MARF1: variants seen among roughly 807,000 people sequenced by gnomAD.
MARF1 encodes the protein meiosis regulator and mRNA stability factor 1, also known as limkain-b1.
Under a neutral mutation model 168.2 loss-of-function variants are expected in MARF1, and 24 were observed. That is an observed-to-expected ratio of 0.14 (90% CI 0.10 to 0.20). The LOEUF is 0.20. Among genes scored for constraint, MARF1 ranks in the 10% least tolerant of loss-of-function variants. The probability of loss-of-function intolerance (pLI) is 1.00; values close to 1 mark genes in which losing one functional copy is unlikely to be tolerated. For missense variants in MARF1, 1,744 were observed against 2,143.6 expected (o/e 0.81, Z 3.68); for synonymous variants, 868 against 822.4 (o/e 1.06, Z -0.95).
intron 26 of MARF1, among the ~76,000 whole-genome samples, chr16:15,597,690 CAA>C (rs139799624): frequency 0.027 from 4,147 of 152,320 alleles, 79 homozygotes; most frequent in South Asian, 0.069. Flanking sequence ...GGCTGACCCT[CAA>C]GAGAAGAGCG....
intron 6 of MARF1, 124 bp downstream of exon 6, chr16:15,631,257 A>G (rs1205635558): frequency 9.4e-6 from 6 of 634,988 alleles, no homozygotes; most frequent in Non-Finnish European, 1.7e-5. Context: ...AACAATAACC[A>G]TAAACATGTC....
intron 3 of MARF1, 108 bp downstream of exon 3, chr16:15,635,548 T>C: frequency 1.0e-6 from 1 of 1,003,122 alleles, no homozygotes; most frequent in Non-Finnish European, 1.5e-6. Flanking sequence ...CCCTATACCA[T>C]GGGAGAATCT....
chr16:15,634,577 G>A (rs2035463035), intron 4 of MARF1, among the ~76,000 whole-genome samples, 180 bp downstream of exon 4: 1 of 152,010 alleles, frequency 6.6e-6, no homozygotes, highest in South Asian at 2.1e-4. Flanking sequence ...AACATAAAGG[G>A]CAAATGACTT....
At chr16:15,612,499 C>T in intron 17 of MARF1, 58 bp downstream of exon 17, 3 of 1,448,552 alleles carry the variant, frequency 2.1e-6, no homozygotes, top group African/African-American at 2.8e-5. Context: ...ATGGAGGCAG[C>T]CAAAGCCATG....
chr16:15,609,580 C>A lies in MARF1; in HGVS notation c.3897G>T (p.Ala1299=), dbSNP rs759542967. ...CAAGTAGTTTGGTAAACCCATAGTA[C>A]GCAAGTTTGCACTGCCGGCCAAAGT... ...HHHFGRQCKL[A]YYGFTKLLEL... Residue 1299 remains alanine, a synonymous_variant, in exon 20 of 27, where the codon GCG becomes GCT. Coordinates refer to ENST00000396368, the MANE Select transcript of MARF1 (RefSeq NM_014647.4). The A allele has an allele frequency of 1.9e-6, 3 of 1,614,160 alleles. No homozygotes were observed. In the African/African-American group the frequency reaches 4.0e-5, roughly 22 times the overall value.
intron 11 of MARF1, among the ~76,000 whole-genome samples, chr16:15,622,553 G>A (rs1041692979): frequency 3.3e-5 from 5 of 151,948 alleles, no homozygotes; most frequent in African/African-American, 4.8e-5. Flanking sequence ...CACCACGCCC[G>A]GCTAATTTTT....
intron 11 of MARF1, among the ~76,000 whole-genome samples, chr16:15,622,354 A>T (rs2034522484): frequency 6.6e-6 from 1 of 152,154 alleles, no homozygotes; most frequent in South Asian, 2.1e-4. Context: ...AGGAAGAGCT[A>T]ACTGAAATCC....
At chr16:15,610,945 T>C (rs1461240036) in intron 19 of MARF1, 30 bp downstream of exon 19, 2 of 1,606,012 alleles carry the variant, frequency 1.2e-6, no homozygotes, top group African/African-American at 1.3e-5. Context: ...AGATAGACAA[T>C]ATCCTTCCAG....
chr16:15,598,972 G>A lies in MARF1; in HGVS notation c.4866C>T (p.Val1622=), dbSNP rs368886900. The change falls in exon 26 of 27, where the codon GTC becomes GTT. Residue 1622 remains valine (V), a synonymous_variant. Coordinates refer to ENST00000396368, the MANE Select transcript of MARF1 (RefSeq NM_014647.4). ...ELLRLTDDSP[V]DLLCAPVPSC... is the part of the protein sequence containing the mutation. ...AGGGGACAGGCGCACACAGGAGGTC[G>A]ACGGGGGAGTCGTCGGTCAGGCGGA... 2.0e-5 allele frequency: 32 copies of A among 1,612,450 alleles called. No homozygotes were observed. The highest frequency in any genetic ancestry group is 4.5e-5 in the East Asian group (2 of 44,820).
At chr16:15,608,862 T>G (rs1292644203) in intron 20 of MARF1, 3 of 300,944 alleles carry the variant, frequency 1.0e-5, no homozygotes, top group Non-Finnish European at 1.2e-5. Flanking sequence ...AGCGAACAGC[T>G]TAGCACTGAT....
At position 15,633,794 on chromosome 16, in the gene MARF1, G is replaced by A. The variant is rs1454180341; in HGVS notation, c.1056C>T (p.Pro352=). 2.5e-6 allele frequency: 4 copies of A among 1,613,826 alleles called. No individual in the cohort carries two copies. The Admixed American group carries it at 6.7e-5, about 27-fold the overall frequency. ...TTTCAATATCCCAAAAAACTCCAATGGGGGGTAAGTTTTCTAGCACCTGTC... is the reference window on the plus strand; with the variant it reads ...TTTCAATATCCCAAAAAACTCCAATAGGGGGTAAGTTTTCTAGCACCTGTC... ...VAGQVLENLP[P]IGVFWDIENC... The change falls in exon 5 of 27, where the codon CCC becomes CCT. Residue 352 remains proline, a synonymous_variant. Transcript: ENST00000396368.
Position 15,599,110 on chromosome 16 carries a change from T to A in MARF1, c.4814-86A>T, listed in dbSNP as rs1299381390. 3.5e-6 allele frequency: 4 copies of A among 1,151,892 alleles called. No homozygotes were observed. In the Admixed American group the frequency reaches 7.7e-5, roughly 22 times the overall value. 71.4% of individuals were successfully genotyped at this position (1,151,892 alleles called of 1,614,324 possible). Reference sequence around the variant, plus strand: ...CCTGGGCTCACACCTGAAGTTTTCCTTCTAAGCCTTAAAGATAAGAGAGTC... The same window carrying A: ...CCTGGGCTCACACCTGAAGTTTTCCATCTAAGCCTTAAAGATAAGAGAGTC... On this transcript the variant is annotated intron_variant, in intron 25 of 26. Coordinates refer to ENST00000396368, the MANE Select transcript of MARF1 (RefSeq NM_014647.4).
rs1272025019 is a variant in MARF1 at position 15,625,479 on chromosome 16, T to C, written c.1846A>G (p.Ile616Val). 6.2e-7 allele frequency: 1 copy of C among 1,614,254 alleles called. No individual in the cohort carries two copies. Among genetic ancestry groups the C allele is most frequent in the South Asian group, 1.1e-5 (1 of 91,082 alleles). ...KKLKNPKLCLIKDASEQSSSA... is the reference protein window; with the variant it reads ...KKLKNPKLCLVKDASEQSSSA... ...GAAGATTGTTCACTTGCATCTTTGATGAGGCACAATTTTGGATTCTTAAGT... is the reference window on the plus strand; with the variant it reads ...GAAGATTGTTCACTTGCATCTTTGACGAGGCACAATTTTGGATTCTTAAGT... Residue 616 changes from isoleucine to valine, a missense_variant, in exon 8 of 27, where the codon ATC becomes GTC. Around this residue, in one of 7 missense-constraint regions of MARF1, gnomAD observed 270 missense variants for 260.6 expected, o/e 1.04. Coordinates refer to ENST00000396368, the MANE Select transcript of MARF1 (RefSeq NM_014647.4).
chr16:15,600,381 C>T lies in MARF1; in HGVS notation c.4813+47G>A, dbSNP rs762601388. ...GCTCTCCCCGACCCCAAAGCCGTTTCTCCTAGAATTTCACAAGCTCCTATG... is the reference window on the plus strand; with the variant it reads ...GCTCTCCCCGACCCCAAAGCCGTTTTTCCTAGAATTTCACAAGCTCCTATG... On this transcript the variant is annotated intron_variant, in intron 25 of 26. Coordinates refer to ENST00000396368, the MANE Select transcript of MARF1 (RefSeq NM_014647.4). 1.4e-5 allele frequency: 22 copies of T among 1,611,780 alleles called. No individual in the cohort carries two copies. In the East Asian group the frequency reaches 2.2e-4, roughly 16 times the overall value.
At chr16:15,601,184 G>A (rs2032386023) in intron 23 of MARF1, 1 of 434,320 alleles carries the variant, frequency 2.3e-6, no homozygotes, top group African/African-American at 2.0e-5. Flanking sequence ...TAGGCTCCCA[G>A]GCCCCCTACA....
At chr16:15,602,440 C>A in intron 22 of MARF1, 11 of 580,240 alleles carry the variant, frequency 1.9e-5, no homozygotes, top group Admixed American at 3.3e-5. Flanking sequence ...GACGACGAGA[C>A]AAAAACGAAG....
chr16:15,627,177 C>A (rs1490764094), intron 7 of MARF1, among the ~76,000 whole-genome samples: 4 of 151,470 alleles, frequency 2.6e-5, no homozygotes, highest in Admixed American at 2.0e-4. Flanking sequence ...CACAGTGAGA[C>A]CCCATCTCTA....
chr16:15,611,054 G>A lies in MARF1; in HGVS notation c.3672C>T (p.Asp1224=). 6 of 1,613,596 alleles carry A rather than the reference G, an allele frequency of 3.7e-6. No individual in the cohort carries two copies. The highest frequency in any genetic ancestry group is 5.1e-6 in the Non-Finnish European group (6 of 1,179,526). ...TTGTGTCTGGAATCTCTGATACGATGTCAATCAACTCACAAACACCATATT... is the reference window on the plus strand; with the variant it reads ...TTGTGTCTGGAATCTCTGATACGATATCAATCAACTCACAAACACCATATT... The part of the protein sequence containing the change: ...VTEYGVCELI[D]IVSEIPDTTI... Residue 1224 remains aspartate, a synonymous_variant, in exon 19 of 27, where the codon GAC becomes GAT. Coordinates refer to ENST00000396368, the MANE Select transcript of MARF1 (RefSeq NM_014647.4).
At position 15,632,639 on chromosome 16, in the gene MARF1, TC is replaced by T. The variant is rs139052896; in HGVS notation, c.1233+977del. The stretch of plus-strand genomic sequence containing the variant: ...TAAAACTATCAGGCTCGCATATAAG[TC>T]CCCAAAGGAAGGAAAGGTTTATTTT... On this transcript the variant is annotated intron_variant, in intron 5 of 26. Coordinates refer to ENST00000396368, the MANE Select transcript of MARF1 (RefSeq NM_014647.4). Among the ~76,000 whole-genome samples the T allele has an allele frequency of 7.4e-3, 1,130 of 152,244 alleles. 19 individuals carry two copies. The highest frequency in any genetic ancestry group is 0.026 in the African/African-American group (1,097 of 41,532).
Sources: gnomAD v4.1 joint callset for allele counts (sites outside exome capture counted in the v4.1 genomes callset) on GRCh38, gnomAD v4.1.1 for gene constraint, gnomAD v4.1.1 regional missense constraint, MANE v1.5 for transcripts, NCBI Gene and HGNC (gene_info 2026-07-23, HGNC 2026-07-21) for gene names.